Variants in CARNMT1 observed in about 807,000 individuals in gnomAD.
CARNMT1 encodes carnosine N-methyltransferase 1, also known as protein-L-histidine N-pros-methyltransferase CARNMT1.
Under a neutral mutation model 49.6 loss-of-function variants are expected in CARNMT1, and 28 were observed. That is an observed-to-expected ratio of 0.56 (90% confidence interval 0.42 to 0.77). The LOEUF (loss-of-function observed/expected upper bound fraction) is 0.77. Ranked by LOEUF, CARNMT1 falls within the 30% of genes least tolerant of loss-of-function variation. CARNMT1 has a pLI of 0.00. For missense variants in CARNMT1, 421 were observed against 512.6 expected (o/e 0.82, Z 1.73); for synonymous variants, 178 against 175.0 (o/e 1.02, Z -0.13).
intron 1 of CARNMT1, among the ~76,000 whole-genome samples, chr9:75,023,765 T>C (rs556819607): frequency 1.3e-5 from 2 of 152,368 alleles, no homozygotes; most frequent in South Asian, 4.1e-4. Flanking sequence ...ACTATTTGAT[T>C]ACACAAAGCC....
intron 3 of CARNMT1, among the ~76,000 whole-genome samples, chr9:75,004,337 G>A (rs907511094): frequency 2.0e-5 from 3 of 152,126 alleles, no homozygotes; most frequent in East Asian, 3.9e-4. Context: ...ATCTTAACGT[G>A]GTTTTTACAT....
intron 3 of CARNMT1, among the ~76,000 whole-genome samples, chr9:75,014,372 A>G (rs1833785124): frequency 6.6e-6 from 1 of 152,242 alleles, no homozygotes; most frequent in South Asian, 2.1e-4. Flanking sequence ...TACAGAAAAG[A>G]GGGAAAACCA....
At chr9:75,027,369 T>C (rs1822562037) in intron 1 of CARNMT1, 1 of 954,082 alleles carries the variant, frequency 1.0e-6, no homozygotes, top group Admixed American at 6.2e-5. Flanking sequence ...TTGTGACTTC[T>C]CTCATCTCTC....
intron 6 of CARNMT1, among the ~76,000 whole-genome samples, chr9:74,989,456 C>A (rs182186554): frequency 2.6e-5 from 4 of 152,202 alleles, no homozygotes; most frequent in Non-Finnish European, 2.9e-5. Flanking sequence ...GTTGTACAGC[C>A]TATTTCATTG....
At chr9:75,024,717 C>T (rs964603845) in intron 1 of CARNMT1, among the ~76,000 whole-genome samples, 10 of 152,106 alleles carry the variant, frequency 6.6e-5, no homozygotes, top group Non-Finnish European at 8.8e-5. Context: ...AAATCTCCTA[C>T]GTATTAACTA....
At chr9:75,009,060 CTTTT>C (rs752851220) in intron 3 of CARNMT1, among the ~76,000 whole-genome samples, 6 of 125,510 alleles carry the variant, frequency 4.8e-5, no homozygotes, top group Non-Finnish European at 3.3e-5. Context: ...AAAGGACAGT[CTTTT>C]TTTTTTTTTT....
chr9:74,993,213 A>T (rs1177468151), intron 6 of CARNMT1, among the ~76,000 whole-genome samples: 1 of 152,214 alleles, frequency 6.6e-6, no homozygotes, highest in African/African-American at 2.4e-5. Flanking sequence ...TATATGTTAC[A>T]GCAGAGTCTC....
chr9:74,994,575 G>A (rs1239089413), intron 6 of CARNMT1, among the ~76,000 whole-genome samples: 1 of 152,180 alleles, frequency 6.6e-6, no homozygotes, highest in Non-Finnish European at 1.5e-5. Flanking sequence ...CAGAGATACA[G>A]ATTGGGAATC....
intron 1 of CARNMT1, chr9:75,027,264 G>T (rs1822558367): frequency 3.4e-6 from 2 of 580,056 alleles, no homozygotes; most frequent in Non-Finnish European, 4.4e-6. Flanking sequence ...CTGTTTTTAT[G>T]AATGAGGAGC....
intron 3 of CARNMT1, among the ~76,000 whole-genome samples, chr9:75,012,111 A>T (rs1424707662): frequency 6.6e-6 from 1 of 152,154 alleles, no homozygotes; most frequent in Non-Finnish European, 1.5e-5. Flanking sequence ...ACCCGATGAA[A>T]GGAACTGAGA....
intron 1 of CARNMT1, among the ~76,000 whole-genome samples, chr9:75,026,462 G>A (rs901534616): frequency 2.0e-5 from 3 of 152,152 alleles, no homozygotes; most frequent in African/African-American, 7.2e-5. Context: ...AGACTTTTCT[G>A]TATCTCCCAC....
At chr9:75,013,977 A>ACG (rs1554757758) in intron 3 of CARNMT1, among the ~76,000 whole-genome samples, 3 of 149,560 alleles carry the variant, frequency 2.0e-5, no homozygotes, top group Non-Finnish European at 4.4e-5. Flanking sequence ...TGTCAAAAAA[A>ACG]AGAGAGAGAG....
intron 6 of CARNMT1, among the ~76,000 whole-genome samples, chr9:74,988,210 CGCA>C (rs1305801036): frequency 6.6e-6 from 1 of 152,096 alleles, no homozygotes; most frequent in Non-Finnish European, 1.5e-5. Context: ...CAACACCACA[CGCA>C]GCTTTCTTCA....
intron 6 of CARNMT1, among the ~76,000 whole-genome samples, chr9:74,991,438 C>A (rs1833009617): frequency 6.6e-6 from 1 of 152,136 alleles, no homozygotes; most frequent in Admixed American, 6.5e-5. Context: ...CCATGCCCGG[C>A]CAAACCTTGG....
intron 4 of CARNMT1, among the ~76,000 whole-genome samples, chr9:74,999,449 A>G (rs1833293223): frequency 6.6e-6 from 1 of 152,196 alleles, no homozygotes. Flanking sequence ...TTCCTGGTTC[A>G]TACTTAGTCC....
chr9:75,017,400 T>C lies in CARNMT1; in HGVS notation c.279A>G (p.Ser93=), dbSNP rs780983670. 5 of 1,614,158 alleles carry C rather than the reference T, an allele frequency of 3.1e-6. No individual in the cohort carries two copies. Among genetic ancestry groups the C allele is most frequent in the South Asian group, 1.1e-5 (1 of 91,084 alleles). ...RVNRTERQFR[S]LPANQQKLLP... is the part of the protein sequence containing the mutation. ...GTAGTTTCTGTTGGTTAGCTGGAAG[T>C]GATCGAAACTGTCTTTCTGTTCGGT... The change falls in exon 2 of 8, where the codon TCA becomes TCG. Residue 93 remains serine (S), a synonymous_variant. Coordinates refer to ENST00000376834, the MANE Select transcript of CARNMT1 (RefSeq NM_152420.3).
intron 6 of CARNMT1, among the ~76,000 whole-genome samples, chr9:74,993,472 T>G (rs1351410124): frequency 6.6e-6 from 1 of 152,122 alleles, no homozygotes; most frequent in Non-Finnish European, 1.5e-5. Flanking sequence ...GGAACAGATT[T>G]GCATGTTAGG....
At chr9:75,015,041 C>T (rs927197281) in intron 3 of CARNMT1, among the ~76,000 whole-genome samples, 10 of 152,104 alleles carry the variant, frequency 6.6e-5, no homozygotes, top group Admixed American at 5.9e-4. Flanking sequence ...CAATAGCTTT[C>T]GTTAAATATA....
intron 3 of CARNMT1, among the ~76,000 whole-genome samples, chr9:75,014,728 T>C (rs1369290701): frequency 6.6e-6 from 1 of 152,068 alleles, no homozygotes; most frequent in East Asian, 1.9e-4. Context: ...GTGTCTGTAA[T>C]CCCAGCTACT....
Sources: allele counts gnomAD v4.1 joint callset (sites outside exome capture counted in the v4.1 genomes callset), GRCh38; gene constraint gnomAD v4.1.1; transcripts MANE v1.5; gene names NCBI Gene and HGNC (gene_info 2026-07-23, HGNC 2026-07-21).